The following ATP8A2 variants were observed in gnomAD, a reference collection of about 807,000 sequenced individuals.
The protein encoded by ATP8A2 is phospholipid-transporting ATPase IB.
ATP8A2 carries 100 observed loss-of-function variants against 165.6 expected under a neutral mutation model. That is an observed-to-expected ratio of 0.60 (90% CI 0.51 to 0.71). ATP8A2 has a LOEUF of 0.71. Among genes scored for constraint, ATP8A2 ranks in the 30% least tolerant of loss-of-function variants. ATP8A2 has a pLI of 0.00. For synonymous variants in ATP8A2, 543 were observed against 548.8 expected (o/e 0.99, Z 0.15); for missense variants, 1,227 against 1,479.5 (o/e 0.83, Z 2.80).
chr13:25,401,471 C>T (rs2033633905), intron 1 of ATP8A2, among the ~76,000 whole-genome samples: 1 of 152,106 alleles, frequency 6.6e-6, no homozygotes, highest in Non-Finnish European at 1.5e-5. Flanking sequence ...GGTAAGAAGG[C>T]TCTTGTTTCC....
chr13:25,441,423 A>G (rs1056003581), intron 1 of ATP8A2, among the ~76,000 whole-genome samples: 2 of 152,318 alleles, frequency 1.3e-5, no homozygotes, highest in Middle Eastern at 3.4e-3. Flanking sequence ...AGCACAGAAG[A>G]ACTGACAGTG....
chr13:25,633,019 G>A lies in ATP8A2; in HGVS notation c.2211+43320G>A, dbSNP rs190183873. On this transcript the variant is annotated intron_variant, in intron 24 of 36. Coordinates refer to ENST00000381655, the MANE Select transcript of ATP8A2 (RefSeq NM_016529.6). ...CTTTTAAGTAAAACTCCTGAGTCACGGAAGCATGTTTAGTATCTAAGAATG... is the reference window on the plus strand; with the variant it reads ...CTTTTAAGTAAAACTCCTGAGTCACAGAAGCATGTTTAGTATCTAAGAATG... Among the ~76,000 whole-genome samples, 13 of 152,224 alleles carry A rather than the reference G, an allele frequency of 8.5e-5. No individual in the cohort carries two copies. The East Asian group carries it at 1.9e-3, about 23-fold the overall frequency.
rs573835543 is a variant in ATP8A2 at position 25,947,327 on chromosome 13, C to T, written c.3184-14248C>T. Reference sequence around the variant, plus strand: ...TCTGTTATGTGATTTCCATTGTCTACATCTTCATTAATTCTAAGTAGGAAA... The same window carrying T: ...TCTGTTATGTGATTTCCATTGTCTATATCTTCATTAATTCTAAGTAGGAAA... On this transcript the variant is annotated intron_variant, in intron 33 of 36. Coordinates refer to ENST00000381655, the MANE Select transcript of ATP8A2 (RefSeq NM_016529.6). 1.4e-4 allele frequency among the ~76,000 whole-genome samples: 22 copies of T among 152,276 alleles called. No individual in the cohort carries two copies. The East Asian group carries it at 3.5e-3, about 24-fold the overall frequency.
intron 24 of ATP8A2, among the ~76,000 whole-genome samples, chr13:25,593,142 T>C (rs1432633773): frequency 2.0e-5 from 3 of 152,118 alleles, no homozygotes; most frequent in Non-Finnish European, 2.9e-5. Context: ...AAAAGCAGCG[T>C]CCTAGCGCAA....
intron 1 of ATP8A2, among the ~76,000 whole-genome samples, chr13:25,380,767 C>A (rs1387718096): frequency 1.3e-5 from 2 of 152,110 alleles, no homozygotes; most frequent in African/African-American, 2.4e-5. Context: ...ACGGTCAACA[C>A]CCCCATTGCT....
chr13:25,716,069 T>C (rs957316816), intron 25 of ATP8A2, among the ~76,000 whole-genome samples: 2 of 152,206 alleles, frequency 1.3e-5, no homozygotes, highest in Admixed American at 1.3e-4. Flanking sequence ...TCCCTGATGA[T>C]TAAAGATGTT....
intron 10 of ATP8A2, among the ~76,000 whole-genome samples, chr13:25,549,208 C>G (rs574098780): frequency 1.3e-5 from 2 of 152,152 alleles, no homozygotes; most frequent in Admixed American, 1.3e-4. Flanking sequence ...GCCTGTAATC[C>G]CACCACTTTG....
intron 27 of ATP8A2, among the ~76,000 whole-genome samples, chr13:25,817,985 G>A (rs1202322049): frequency 1.3e-5 from 2 of 152,054 alleles, no homozygotes; most frequent in African/African-American, 4.8e-5. Context: ...CCAGCCTCAA[G>A]TCCTTTTAAA....
chr13:25,527,351 T>G (rs1334864088), intron 2 of ATP8A2, among the ~76,000 whole-genome samples: 1 of 152,168 alleles, frequency 6.6e-6, no homozygotes, highest in Non-Finnish European at 1.5e-5. Flanking sequence ...ATGTGGAATC[T>G]CAGGCCCACC....
intron 20 of ATP8A2, among the ~76,000 whole-genome samples, chr13:25,577,995 G>T (rs2138219334): frequency 6.6e-6 from 1 of 152,288 alleles, no homozygotes; most frequent in South Asian, 2.1e-4. Flanking sequence ...ATGGTAAAAT[G>T]ACTTCAATTA....
chr13:25,618,819 C>T (rs929001189), intron 24 of ATP8A2, among the ~76,000 whole-genome samples: 1 of 151,788 alleles, frequency 6.6e-6, no homozygotes, highest in African/African-American at 2.4e-5. Context: ...TAGTCCTGGG[C>T]TACATCCAAC....
At chr13:25,431,396 G>A (rs1176843724) in intron 1 of ATP8A2, among the ~76,000 whole-genome samples, 4 of 152,022 alleles carry the variant, frequency 2.6e-5, no homozygotes, top group African/African-American at 9.7e-5. Flanking sequence ...TGGTCAGCTC[G>A]CCTCAGCCTC....
chr13:25,627,930 GTT>G (rs774914505), intron 24 of ATP8A2, among the ~76,000 whole-genome samples: 2 of 152,136 alleles, frequency 1.3e-5, no homozygotes, highest in Non-Finnish European at 2.9e-5. Context: ...AGATGCAAGG[GTT>G]TTACTTAACA....
intron 33 of ATP8A2, among the ~76,000 whole-genome samples, chr13:25,931,773 G>A (rs942920148): frequency 1.3e-5 from 2 of 152,140 alleles, no homozygotes; most frequent in African/African-American, 2.4e-5. Flanking sequence ...AGGGCCAGGT[G>A]CGGTGGCTCA....
chr13:25,664,727 T>A lies in ATP8A2; in HGVS notation c.2212-34446T>A, dbSNP rs759310802. On this transcript the variant is annotated intron_variant, in intron 24 of 36. Transcript: ENST00000381655. The stretch of plus-strand genomic sequence containing the variant: ...TCCCCAGAGAGAAGCAGAGGTATCA[T>A]CCAAGAGATGTGAAAGATTTTTCCA... Among the ~76,000 whole-genome samples the A allele has an allele frequency of 3.6e-4, 55 of 152,136 alleles. 1 individual carries two copies. The highest frequency in any genetic ancestry group is 7.2e-4 in the Non-Finnish European group (49 of 68,028).
At chr13:25,454,812 C>T (rs1355361954) in intron 1 of ATP8A2, among the ~76,000 whole-genome samples, 2 of 152,184 alleles carry the variant, frequency 1.3e-5, no homozygotes, top group African/African-American at 2.4e-5. Flanking sequence ...ATCCCAGCTA[C>T]TTGGGAGGCT....
chr13:25,465,114 C>G (rs534045583), intron 1 of ATP8A2, among the ~76,000 whole-genome samples: 21 of 152,350 alleles, frequency 1.4e-4, no homozygotes, highest in African/African-American at 4.8e-4. Context: ...TAAGCATATA[C>G]TCATTTTATG....
At chr13:25,729,143 A>G (rs762366658) in intron 25 of ATP8A2, among the ~76,000 whole-genome samples, 2 of 151,246 alleles carry the variant, frequency 1.3e-5, no homozygotes, top group Non-Finnish European at 2.9e-5. Context: ...CAGTCAGTTT[A>G]CTGAATTGCC....
chr13:25,585,002 C>T lies in ATP8A2; in HGVS notation c.2146+3045C>T, dbSNP rs115727935. 7.1e-3 allele frequency among the ~76,000 whole-genome samples: 1,077 copies of T among 151,948 alleles called. 16 individuals are homozygous for T. Among genetic ancestry groups the T allele is most frequent in the African/African-American group, 0.025 (1,042 of 41,400 alleles). On this transcript the variant is annotated intron_variant, in intron 23 of 36. Coordinates refer to ENST00000381655, the MANE Select transcript of ATP8A2 (RefSeq NM_016529.6). ...TTTTTTAAAATATATATATCTATCT[C>T]GTAGTTTGAGAATTTATTTTTAAAG...
Sources: gnomAD v4.1 joint callset for allele counts (sites outside exome capture counted in the v4.1 genomes callset) on GRCh38, gnomAD v4.1.1 for gene constraint, MANE v1.5 for transcripts, NCBI Gene and HGNC (gene_info 2026-07-23, HGNC 2026-07-21) for gene names.